The following SPATA17 variants were observed in gnomAD, a reference collection of about 807,000 sequenced individuals.
SPATA17 encodes the protein spermatogenesis-associated protein 17.
In SPATA17, 53 loss-of-function variants were observed where a neutral mutation model predicts 62.2. That is an observed-to-expected ratio of 0.85 (90% CI 0.68 to 1.07). The LOEUF (loss-of-function observed/expected upper bound fraction) is 1.07. Ranked by LOEUF, SPATA17 falls within the 50% of genes least tolerant of loss-of-function variation. The probability of loss-of-function intolerance (pLI) is 0.00; values close to 1 mark genes in which losing one functional copy is unlikely to be tolerated. For synonymous variants in SPATA17, 146 were observed against 146.8 expected (o/e 0.99, Z 0.04); for missense variants, 466 against 425.5 (o/e 1.10, Z -0.84).
chr1:217,750,655 C>T (rs1307231222), intron 6 of SPATA17, among the ~76,000 whole-genome samples: 1 of 152,080 alleles, frequency 6.6e-6, no homozygotes, highest in Non-Finnish European at 1.5e-5. Flanking sequence ...TAGATTCATA[C>T]GTTTTACATG....
At chr1:217,689,187 A>T (rs887162836) in intron 5 of SPATA17, among the ~76,000 whole-genome samples, 1 of 150,214 alleles carries the variant, frequency 6.7e-6, no homozygotes. Flanking sequence ...AAAGTACAAT[A>T]TAATCATCAC....
chr1:217,834,106 T>G (rs1395860986), intron 9 of SPATA17, among the ~76,000 whole-genome samples: 1 of 152,134 alleles, frequency 6.6e-6, no homozygotes, highest in African/African-American at 2.4e-5. Context: ...ATAAGGAAGC[T>G]TAAACATCAC....
intron 6 of SPATA17, among the ~76,000 whole-genome samples, chr1:217,752,896 A>G (rs991550571): frequency 1.3e-5 from 2 of 152,122 alleles, no homozygotes; most frequent in Non-Finnish European, 2.9e-5. Context: ...TATTCCTGGG[A>G]GGTATTTCTG....
chr1:217,845,410 A>G (rs1334670125), intron 9 of SPATA17, among the ~76,000 whole-genome samples: 1 of 152,014 alleles, frequency 6.6e-6, no homozygotes, highest in African/African-American at 2.4e-5. Context: ...CACTTGCCCC[A>G]TTTCCTAGTT....
chr1:217,738,642 C>A (rs943323309), intron 5 of SPATA17, among the ~76,000 whole-genome samples: 4 of 152,142 alleles, frequency 2.6e-5, no homozygotes, highest in African/African-American at 9.7e-5. Context: ...CTGTTATAAC[C>A]AGGTGCCATT....
At chr1:217,706,786 A>T (rs565080025) in intron 5 of SPATA17, among the ~76,000 whole-genome samples, 17 of 152,080 alleles carry the variant, frequency 1.1e-4, no homozygotes, top group African/African-American at 3.4e-4. Flanking sequence ...AGTCTTTTGT[A>T]ATTCTCACTG....
At chr1:217,678,107 G>T (rs1670994714) in intron 4 of SPATA17, among the ~76,000 whole-genome samples, 1 of 150,878 alleles carries the variant, frequency 6.6e-6, no homozygotes, top group African/African-American at 2.4e-5. Flanking sequence ...GAATAACTGA[G>T]TTCTACTTCT....
intron 9 of SPATA17, among the ~76,000 whole-genome samples, chr1:217,816,429 A>G (rs1674718661): frequency 6.6e-6 from 1 of 151,680 alleles, no homozygotes; most frequent in Non-Finnish European, 1.5e-5. Context: ...ACTTAGGTTT[A>G]CTAGGTAGAT....
chr1:217,790,898 T>C (rs896958731), intron 8 of SPATA17, among the ~76,000 whole-genome samples: 1 of 152,204 alleles, frequency 6.6e-6, no homozygotes, highest in African/African-American at 2.4e-5. Context: ...GTTCTATTTA[T>C]CATTAAAGAA....
At chr1:217,850,448 T>C in intron 9 of SPATA17, 1 of 1,366,658 alleles carries the variant, frequency 7.3e-7, no homozygotes, top group Non-Finnish European at 1.0e-6. Flanking sequence ...GTCAACTCTT[T>C]CTGGATGTTG....
chr1:217,637,724 T>G (rs1669973325), intron 1 of SPATA17, among the ~76,000 whole-genome samples: 1 of 152,182 alleles, frequency 6.6e-6, no homozygotes, highest in Admixed American at 6.5e-5. Flanking sequence ...TGAATAGATG[T>G]GAGTCCCTTC....
intron 5 of SPATA17, among the ~76,000 whole-genome samples, chr1:217,714,870 A>T (rs1005449254): frequency 6.6e-6 from 1 of 152,208 alleles, no homozygotes; most frequent in African/African-American, 2.4e-5. Flanking sequence ...ATGTCAGGAC[A>T]TAGGTAGAAA....
chr1:217,846,522 T>C (rs1406479855), intron 9 of SPATA17, among the ~76,000 whole-genome samples: 1 of 152,058 alleles, frequency 6.6e-6, no homozygotes, highest in African/African-American at 2.4e-5. Flanking sequence ...GAATTACCTG[T>C]GGGGGATTTT....
intron 6 of SPATA17, among the ~76,000 whole-genome samples, chr1:217,754,316 G>A (rs1235729472): frequency 6.6e-6 from 1 of 152,084 alleles, no homozygotes; most frequent in Non-Finnish European, 1.5e-5. Flanking sequence ...TTCTTCATTG[G>A]TTAGAAGAGA....
intron 9 of SPATA17, chr1:217,850,469 G>C (rs576841058): frequency 2.3e-6 from 3 of 1,291,860 alleles, no homozygotes; most frequent in Middle Eastern, 2.0e-4. Context: ...TAGTCAGAAA[G>C]AGTACAGCCT....
At chr1:217,651,898 T>C (rs1178476743) in intron 3 of SPATA17, among the ~76,000 whole-genome samples, 1 of 152,224 alleles carries the variant, frequency 6.6e-6, no homozygotes, top group East Asian at 1.9e-4. Flanking sequence ...CGTACTCATT[T>C]GGCAGGCTAG....
intron 8 of SPATA17, among the ~76,000 whole-genome samples, chr1:217,790,128 A>G (rs1319997016): frequency 1.3e-5 from 2 of 152,188 alleles, no homozygotes; most frequent in Non-Finnish European, 2.9e-5. Context: ...GAAGTAACTT[A>G]CAACAAAGGG....
rs1673637346 is a variant in SPATA17, at chr1:217,778,064, T to G, written c.723+3527T>G. ...TGCATATATAACATATAACTTTGCA[T>G]CAACAAGCAATTAAATTTATTAATT... On this transcript the variant is annotated intron_variant, in intron 7 of 10. Transcript: ENST00000366933. Among the ~76,000 whole-genome samples the G allele has an allele frequency of 2.6e-5, 4 of 152,152 alleles. No homozygotes were observed. The South Asian group carries it at 8.3e-4, about 32-fold the overall frequency.
intron 5 of SPATA17, among the ~76,000 whole-genome samples, chr1:217,699,436 T>C (rs7548364): frequency 0.19 from 28,688 of 152,122 alleles, 3,019 homozygotes; most frequent in African/African-American, 0.28. Context: ...GAGGTTGTAA[T>C]TGCATTTCCC....
Sources: allele counts gnomAD v4.1 joint callset (sites outside exome capture counted in the v4.1 genomes callset), GRCh38; gene constraint gnomAD v4.1.1; transcripts MANE v1.5; gene names NCBI Gene and HGNC (gene_info 2026-07-23, HGNC 2026-07-21).